PTPRQ: variants seen among roughly 807,000 people sequenced by gnomAD.
The protein encoded by PTPRQ is protein tyrosine phosphatase receptor type Q.
A neutral mutation model predicts 246.0 loss-of-function variants in PTPRQ; 199 were observed. That is an observed-to-expected ratio of 0.81 (90% CI 0.72 to 0.91). The LOEUF is 0.91. Ranked by LOEUF, PTPRQ falls within the 40% of genes least tolerant of loss-of-function variation. PTPRQ has a pLI of 0.00. For synonymous variants in PTPRQ, 869 were observed against 853.2 expected, an observed-to-expected ratio of 1.02 and a Z score of -0.32; for missense variants, 2,624 against 2,528.4, an observed-to-expected ratio of 1.04 and a Z score of -0.81.
intron 8 of PTPRQ, among the ~76,000 whole-genome samples, chr12:80,480,195 A>C (rs1191369761): frequency 6.6e-6 from 1 of 152,170 alleles, no homozygotes; most frequent in Non-Finnish European, 1.5e-5. Flanking sequence ...AGTGCAATCA[A>C]ACTAGAACTC....
Position 80,445,564 on chromosome 12 carries a change from A to T in PTPRQ, c.237A>T (p.Pro79=), listed in dbSNP as rs1220869377. 1.3e-6 allele frequency: 2 copies of T among 1,549,662 alleles called. No homozygotes were observed. ...SAGILLSWNT[P]PNPNGRIISY... is the part of the protein sequence containing the mutation. The stretch of plus-strand genomic sequence containing the variant: ...GGATTCTTCTGTCTTGGAATACACC[A>T]CCTAATCCAAATGGAAGGATTATAT... The change falls in exon 3 of 45, where the codon CCA becomes CCT. Residue 79 remains proline, a synonymous_variant. Transcript: ENST00000644991.
intron 39 of PTPRQ, among the ~76,000 whole-genome samples, chr12:80,659,685 T>A (rs752500931): frequency 5.9e-5 from 9 of 152,064 alleles, no homozygotes; most frequent in Non-Finnish European, 7.4e-5. Flanking sequence ...CATACAACTA[T>A]GAGCAAATGA....
rs1232538052 is a variant in PTPRQ at position 80,444,889 on chromosome 12, T to C, written c.163+40T>C. The C allele has an allele frequency of 2.7e-6, 4 of 1,467,032 alleles. No individual in the cohort carries two copies. The Admixed American group carries it at 8.7e-5, about 32-fold the overall frequency. The allele number at this position is 1,467,032 out of a possible 1,614,324, so 90.9% of individuals were successfully genotyped here. A position where few individuals can be genotyped will look rare whatever the true frequency, so the allele number is the denominator to read the frequency against. The stretch of plus-strand genomic sequence containing the variant: ...TAAATTACTTTGTAAGTAAAGTATT[T>C]GGAGTCAGTATAATTCTACTGGATG... On this transcript the variant is annotated intron_variant, in intron 2 of 44. Transcript: ENST00000644991.
chr12:80,449,544 A>G (rs2120407093), intron 3 of PTPRQ, among the ~76,000 whole-genome samples: 1 of 152,024 alleles, frequency 6.6e-6, no homozygotes, highest in East Asian at 1.9e-4. Context: ...TCTTGAATTG[A>G]TTTTTGTATA....
At chr12:80,471,558 A>G (rs1893633260) in intron 7 of PTPRQ, among the ~76,000 whole-genome samples, 1 of 44,406 alleles carries the variant, frequency 2.3e-5, no homozygotes, top group Non-Finnish European at 4.2e-5. Flanking sequence ...GCTCACTGCA[A>G]GCTCCGCCTC....
chr12:80,587,365 G>A (rs1897654941), intron 25 of PTPRQ, among the ~76,000 whole-genome samples: 2 of 152,142 alleles, frequency 1.3e-5, no homozygotes, highest in African/African-American at 4.8e-5. Context: ...GAAAGGCATG[G>A]TTAAGAAGAG....
intron 39 of PTPRQ, 97 bp downstream of exon 39, chr12:80,658,158 C>T (rs937013752): frequency 5.5e-6 from 4 of 729,550 alleles, no homozygotes; most frequent in South Asian, 4.5e-5. Flanking sequence ...TTTATTACAA[C>T]TCCTATGGAT....
chr12:80,476,519 G>C (rs959926440), intron 8 of PTPRQ, among the ~76,000 whole-genome samples: 1 of 152,062 alleles, frequency 6.6e-6, no homozygotes, highest in African/African-American at 2.4e-5. Flanking sequence ...ACTTCATGAA[G>C]ACAAAGGAAA....
chr12:80,534,909 A>G lies in PTPRQ; in HGVS notation c.2857A>G (p.Lys953Glu). 6.5e-7 allele frequency: 1 copy of G among 1,549,702 alleles called. No homozygotes were observed. The highest frequency in any genetic ancestry group is 8.7e-7 in the Non-Finnish European group (1 of 1,146,162). Residue 953 changes from lysine to glutamate, a missense_variant, in exon 19 of 45, where the codon AAA becomes GAA. Coordinates refer to ENST00000644991, the MANE Select transcript of PTPRQ (RefSeq NM_001145026.2). ...TPEGAPSDPP[K>E]DVYYANLSSS... is the part of the protein sequence containing the mutation. ...TTTTATAGCACCAAGCGATCCTCCC[A>G]AAGATGTTTATTATGCAAACCTCAG...
chr12:80,620,003 C>G (rs944858929), intron 31 of PTPRQ, 151 bp from the exon 32 acceptor site: 6 of 975,560 alleles, frequency 6.2e-6, no homozygotes, highest in Middle Eastern at 3.5e-4. Context: ...AACAGGGTTA[C>G]CTGCCTATAC....
At chr12:80,521,794 C>T (rs922700272) in intron 17 of PTPRQ, among the ~76,000 whole-genome samples, 2 of 152,062 alleles carry the variant, frequency 1.3e-5, no homozygotes, top group African/African-American at 2.4e-5. Context: ...AGTCAGGTAG[C>T]GTGATGCCTC....
chr12:80,507,959 A>G (rs1895013753), intron 16 of PTPRQ, among the ~76,000 whole-genome samples: 2 of 151,970 alleles, frequency 1.3e-5, no homozygotes, highest in South Asian at 4.1e-4. Flanking sequence ...CTTCTTTATA[A>G]CTAATCTAAT....
intron 25 of PTPRQ, among the ~76,000 whole-genome samples, chr12:80,568,544 T>C (rs1417509419): frequency 6.6e-6 from 1 of 152,246 alleles, no homozygotes; most frequent in African/African-American, 2.4e-5. Flanking sequence ...GTAAGTTGTC[T>C]TGGCTGCATA....
At chr12:80,476,405 C>T (rs1279407919) in intron 8 of PTPRQ, among the ~76,000 whole-genome samples, 2 of 152,054 alleles carry the variant, frequency 1.3e-5, no homozygotes, top group South Asian at 2.1e-4. Context: ...CTTCCTCTGT[C>T]CTCAAGTGCC....
At chr12:80,645,403 T>C (rs1030510668) in intron 35 of PTPRQ, among the ~76,000 whole-genome samples, 1 of 152,076 alleles carries the variant, frequency 6.6e-6, no homozygotes. Flanking sequence ...GAAAATGTAT[T>C]CAATTCAGAT....
chr12:80,447,943 T>A (rs1892603881), intron 3 of PTPRQ, among the ~76,000 whole-genome samples: 1 of 151,120 alleles, frequency 6.6e-6, no homozygotes, highest in Admixed American at 6.6e-5. Context: ...AAAAATTACA[T>A]TGCTAATTTC....
intron 25 of PTPRQ, among the ~76,000 whole-genome samples, chr12:80,570,265 A>G (rs911250502): frequency 2.0e-5 from 3 of 152,104 alleles, no homozygotes; most frequent in African/African-American, 4.8e-5. Context: ...ACTTTTTAAT[A>G]ATTGCCATTC....
At chr12:80,636,948 T>C (rs1041393618) in intron 35 of PTPRQ, among the ~76,000 whole-genome samples, 3 of 152,076 alleles carry the variant, frequency 2.0e-5, no homozygotes, top group Non-Finnish European at 4.4e-5. Context: ...TTCTGAACAC[T>C]AAATACATCA....
At position 80,450,575 on chromosome 12, in the gene PTPRQ, T is replaced by G. The variant is rs1437343467; in HGVS notation, c.390+4858T>G. On this transcript the variant is annotated intron_variant, in intron 3 of 44. Transcript: ENST00000644991. ...CCATCAATACCTAATTTATTGAGAG[T>G]TTTTAGCATGAAGCATTGTTGAATT... Among the ~76,000 whole-genome samples, 12 of 151,720 alleles carry G rather than the reference T, an allele frequency of 7.9e-5. No individual in the cohort carries two copies. The South Asian group carries it at 2.5e-3, about 32-fold the overall frequency.
Sources: gnomAD v4.1 joint callset for allele counts (sites outside exome capture counted in the v4.1 genomes callset) on GRCh38, gnomAD v4.1.1 for gene constraint, MANE v1.5 for transcripts, NCBI Gene and HGNC (gene_info 2026-07-23, HGNC 2026-07-21) for gene names.